The following TRIM60 variants were observed in gnomAD, a reference collection of about 807,000 sequenced individuals.
TRIM60 encodes tripartite motif containing 60, also known as tripartite motif-containing protein 60.
For synonymous variants in TRIM60, 189 were observed against 195.2 expected (o/e 0.97, Z 0.27); for missense variants, 524 against 540.8 (o/e 0.97, Z 0.31).
In TRIM60 at chr4:165,041,181, GTCT is replaced by G. The variant is rs1219928060; in HGVS notation, c.1114_1116del (p.Leu372del). 10 of 1,614,100 alleles carry G rather than the reference GTCT, an allele frequency of 6.2e-6. No homozygotes were observed. The East Asian group carries it at 1.1e-4, about 18-fold the overall frequency. On this transcript the variant is annotated inframe_deletion, in exon 3 of 3. Coordinates refer to ENST00000512596, the MANE Select transcript of TRIM60 (RefSeq NM_152620.3). ...TGGATATTGGGTGTGTGTCAAGACT[GTCT>G]TCTTAGGAACTGGCAGGATCAGCCA...
At chr4:165,033,233 T>C (rs1223904916) in intron 1 of TRIM60, among the ~76,000 whole-genome samples, 1 of 152,074 alleles carries the variant, frequency 6.6e-6, no homozygotes, top group Non-Finnish European at 1.5e-5. Flanking sequence ...TTTTTCTTTT[T>C]TAATGTGACA....
rs1285847192 is a variant in TRIM60 at position 165,040,522 on chromosome 4, C to T, written c.450C>T (p.Pro150=). The T allele has an allele frequency of 6.2e-7, 1 of 1,613,886 alleles. No individual in the cohort carries two copies. Residue 150 remains proline (P), a synonymous_variant, in exon 3 of 3, where the codon CCC becomes CCT. Transcript: ENST00000512596. ...AAATTCTAGAAGGTAGCCTTGAGCCCTTGAGGAATAATATAGAACGAGTTG... is the reference window on the plus strand; with the variant it reads ...AAATTCTAGAAGGTAGCCTTGAGCCTTTGAGGAATAATATAGAACGAGTTG... ...HREILEGSLE[P]LRNNIERVEK... is the part of the protein sequence containing the mutation.
chr4:165,039,024 T>G (rs901665597), intron 1 of TRIM60, among the ~76,000 whole-genome samples, 177 bp from the exon 2 acceptor site: 1 of 152,138 alleles, frequency 6.6e-6, no homozygotes, highest in Non-Finnish European at 1.5e-5. Context: ...ATCGTGCCAT[T>G]GCACTCCAGC....
rs536150218 is a variant in TRIM60 at position 165,040,017 on chromosome 4, G to A, written c.-4-52G>A. ...CTTCTCACTGGGTTTGCGCTCTACG[G>A]AGGCAGGACTGATCAAAGGGAGGTT... On this transcript the variant is annotated intron_variant, in intron 2 of 2. Transcript: ENST00000512596. 229 of 1,477,168 alleles carry A rather than the reference G, an allele frequency of 1.6e-4. 6 individuals carry two copies. The South Asian group carries it at 2.8e-3, about 18-fold the overall frequency. 91.5% of individuals were successfully genotyped at this position (1,477,168 alleles called of 1,614,324 possible).
chr4:165,040,257 A>G lies in TRIM60; in HGVS notation c.185A>G (p.Tyr62Cys). The change falls in exon 3 of 3, where the codon TAC becomes TGC. Residue 62 changes from tyrosine to cysteine, a missense_variant. Coordinates refer to ENST00000512596, the MANE Select transcript of TRIM60 (RefSeq NM_152620.3). Reference protein sequence around the residue: ...PCPVCRFCFPYKSFRRNPQLR... With the variant: ...PCPVCRFCFPCKSFRRNPQLR... The stretch of plus-strand genomic sequence containing the variant: ...CCTGTCTGCCGTTTTTGCTTTCCAT[A>G]CAAGAGCTTCAGGAGGAACCCCCAG... The G allele has an allele frequency of 6.2e-7, 1 of 1,614,160 alleles. No homozygotes were observed. Among genetic ancestry groups the G allele is most frequent in the Non-Finnish European group, 8.5e-7 (1 of 1,180,026 alleles).
chr4:165,041,642 C>A lies in TRIM60; in HGVS notation c.*154C>A, dbSNP rs1396618476. 1.5e-5 allele frequency: 7 copies of A among 455,794 alleles called. No homozygotes were observed. In the East Asian group the frequency reaches 2.3e-4, roughly 15 times the overall value. The allele number at this position is 455,794 out of a possible 1,614,324, so 28.2% of individuals were successfully genotyped here. Reference sequence around the variant, plus strand: ...TATAAGATGTTCATAATGCCACTTTCATATATTCTATGAATATCAATTGTC... The same window carrying A: ...TATAAGATGTTCATAATGCCACTTTAATATATTCTATGAATATCAATTGTC... On this transcript the variant is annotated 3_prime_UTR_variant, in exon 3 of 3. Coordinates refer to ENST00000512596, the MANE Select transcript of TRIM60 (RefSeq NM_152620.3).
Position 165,040,383 on chromosome 4 carries a change from T to C in TRIM60, c.311T>C (p.Leu104Pro). The C allele has an allele frequency of 6.2e-7, 1 of 1,614,228 alleles. No homozygotes were observed. Among genetic ancestry groups the C allele is most frequent in the Admixed American group, 1.7e-5 (1 of 60,028 alleles). The change falls in exon 3 of 3, where the codon CTG (leucine) becomes CCG (proline). Residue 104 changes from leucine to proline, a missense_variant. Coordinates refer to ENST00000512596, the MANE Select transcript of TRIM60 (RefSeq NM_152620.3). ...NAMCEKHNQF[L>P]TLFCVKDLEI... is the part of the protein sequence containing the mutation. ...ATGTGTGAAAAACACAACCAGTTTC[T>C]GACCCTCTTCTGTGTTAAAGATCTA...
chr4:165,038,294 A>AT (rs1387420309), intron 1 of TRIM60, among the ~76,000 whole-genome samples: 1 of 152,164 alleles, frequency 6.6e-6, no homozygotes, highest in East Asian at 1.9e-4. Context: ...TACATACTCC[A>AT]TTTTTTCAAT....
At chr4:165,037,234 T>C (rs1454596155) in intron 1 of TRIM60, among the ~76,000 whole-genome samples, 2 of 152,114 alleles carry the variant, frequency 1.3e-5, no homozygotes, top group South Asian at 4.1e-4. Context: ...AAAAAACGGA[T>C]AGCGTGCTTA....
At position 165,041,363 on chromosome 4, in the gene TRIM60, A is replaced by G. The variant is rs752576761; in HGVS notation, c.1291A>G (p.Met431Val). ...YELGDLSFYN[M>V]NDRSILYTFN... Reference sequence around the variant, plus strand: ...ATTGGGTGATCTTTCCTTTTATAATATGAATGATAGGTCTATTCTCTATAC... The same window carrying G: ...ATTGGGTGATCTTTCCTTTTATAATGTGAATGATAGGTCTATTCTCTATAC... The change falls in exon 3 of 3, where the codon ATG becomes GTG. Residue 431 changes from methionine (M) to valine (V), a missense_variant. Physicochemically the swap from Met to Val is conservative, Grantham distance 21 (BLOSUM62 1). Coordinates refer to ENST00000512596, the MANE Select transcript of TRIM60 (RefSeq NM_152620.3). 20 of 1,613,956 alleles carry G rather than the reference A, an allele frequency of 1.2e-5. No individual in the cohort carries two copies. The highest frequency in any genetic ancestry group is 1.7e-5 in the Non-Finnish European group (20 of 1,179,922).
intron 1 of TRIM60, among the ~76,000 whole-genome samples, chr4:165,032,948 G>A (rs940457412): frequency 6.6e-6 from 1 of 151,764 alleles, no homozygotes; most frequent in African/African-American, 2.4e-5. Context: ...TGAGGAGGCC[G>A]ATGCGGGAGG....
At chr4:165,035,204 T>C (rs1385359760) in intron 1 of TRIM60, among the ~76,000 whole-genome samples, 2 of 152,144 alleles carry the variant, frequency 1.3e-5, no homozygotes, top group African/African-American at 4.8e-5. Context: ...GCTGGCACTA[T>C]AGGGACATGC....
At chr4:165,032,680 C>T (rs751574063) in intron 1 of TRIM60, among the ~76,000 whole-genome samples, 1 of 152,180 alleles carries the variant, frequency 6.6e-6, no homozygotes, top group Non-Finnish European at 1.5e-5. Flanking sequence ...AAGGAAGGAC[C>T]TCCCACCCTA....
At chr4:165,036,283 A>G (rs1733620843) in intron 1 of TRIM60, among the ~76,000 whole-genome samples, 1 of 152,198 alleles carries the variant, frequency 6.6e-6, no homozygotes, top group South Asian at 2.1e-4. Context: ...AAACAAACTC[A>G]GAGAAATTAA....
At chr4:165,034,071 G>A (rs1733564768) in intron 1 of TRIM60, among the ~76,000 whole-genome samples, 1 of 152,134 alleles carries the variant, frequency 6.6e-6, no homozygotes, top group Non-Finnish European at 1.5e-5. Context: ...AGGGGAAGCT[G>A]GAGTGTGTGG....
chr4:165,036,543 A>G (rs1389823428), intron 1 of TRIM60, among the ~76,000 whole-genome samples: 2 of 152,172 alleles, frequency 1.3e-5, no homozygotes, highest in African/African-American at 4.8e-5. Context: ...AAAGGTTTTC[A>G]AGGCTATGCA....
intron 1 of TRIM60, among the ~76,000 whole-genome samples, chr4:165,038,321 A>G (rs1018892559): frequency 6.6e-6 from 1 of 152,140 alleles, no homozygotes; most frequent in African/African-American, 2.4e-5. Flanking sequence ...TATACTATCT[A>G]CTTTATTGCA....
Position 165,041,430 on chromosome 4 carries a change from A to G in TRIM60, c.1358A>G (p.Tyr453Cys). 4 of 1,606,800 alleles carry G rather than the reference A, an allele frequency of 2.5e-6. No individual in the cohort carries two copies. The highest frequency in any genetic ancestry group is 1.7e-5 in the Admixed American group (1 of 59,234). The change falls in exon 3 of 3, where the codon TAT (tyrosine) becomes TGT (cysteine). Residue 453 changes from tyrosine (Y) to cysteine (C), a missense_variant. Tyr to Cys is a radical substitution (Grantham distance 194). Coordinates refer to ENST00000512596, the MANE Select transcript of TRIM60 (RefSeq NM_152620.3). The part of the protein sequence containing the change: ...CFTEAVWPYF[Y>C]TGTDSEPLKI... ...ACAGAAGCCGTTTGGCCTTATTTCTATACTGGAACAGATTCCGAACCTCTT... is the reference window on the plus strand; with the variant it reads ...ACAGAAGCCGTTTGGCCTTATTTCTGTACTGGAACAGATTCCGAACCTCTT...
At chr4:165,035,361 G>T (rs1334226011) in intron 1 of TRIM60, among the ~76,000 whole-genome samples, 1 of 152,134 alleles carries the variant, frequency 6.6e-6, no homozygotes. Context: ...ACCGTGCCTG[G>T]CCAACAATTA....
Sources: gnomAD v4.1 joint callset for allele counts (sites outside exome capture counted in the v4.1 genomes callset) on GRCh38, gnomAD v4.1.1 for gene constraint, MANE v1.5 for transcripts, NCBI Gene and HGNC (gene_info 2026-07-23, HGNC 2026-07-21) for gene names.